The following RNF150 variants were observed in gnomAD, a reference collection of about 807,000 sequenced individuals.
RNF150 encodes ring finger protein 150.
In RNF150, 24 loss-of-function variants were observed where a neutral mutation model predicts 39.3. The ratio of observed to expected loss-of-function variants is 0.61; its 90% CI spans 0.44 to 0.86. The LOEUF (loss-of-function observed/expected upper bound fraction) is 0.86, where lower values mean the gene tolerates loss of function less well. RNF150 is among the 40% of genes least tolerant of loss of function. The pLI is 0.00. For synonymous variants in RNF150, 255 were observed against 227.3 expected (o/e 1.12, Z -1.10); for missense variants, 502 against 587.8 (o/e 0.85, Z 1.51).
rs188959611 is a variant in RNF150, at chr4:141,038,344, T to A, written c.485-70471A>T. Among the ~76,000 whole-genome samples the A allele has an allele frequency of 2.6e-5, 4 of 152,244 alleles. No homozygotes were observed. In the East Asian group the frequency reaches 7.7e-4, roughly 29 times the overall value. On this transcript the variant is annotated intron_variant, in intron 1 of 6. Coordinates refer to ENST00000515673, the MANE Select transcript of RNF150 (RefSeq NM_020724.2). Reference sequence around the variant, plus strand: ...AATCCAAGAAATCAAGAAAGAAAACTAAGTGATTAACAGAGTTGACAGCTT... The same window carrying A: ...AATCCAAGAAATCAAGAAAGAAAACAAAGTGATTAACAGAGTTGACAGCTT...
chr4:141,126,550 G>A (rs1417363316), intron 1 of RNF150, among the ~76,000 whole-genome samples: 1 of 152,162 alleles, frequency 6.6e-6, no homozygotes, highest in Non-Finnish European at 1.5e-5. Flanking sequence ...TTGGGGTTGA[G>A]GTAGGAATTA....
chr4:140,885,923 G>A (rs1729555543), intron 6 of RNF150, among the ~76,000 whole-genome samples: 1 of 152,082 alleles, frequency 6.6e-6, no homozygotes, highest in African/African-American at 2.4e-5. Flanking sequence ...TTTTATATAT[G>A]TTCTAAGAAG....
rs917608900 is a variant in RNF150, at chr4:141,078,931, A to G, written c.484+53394T>C. On this transcript the variant is annotated intron_variant, in intron 1 of 6. Transcript: ENST00000515673. ...CATATATACACATATATATACATAT[A>G]TATACACACACATATATATACACAT... 9.4e-5 allele frequency among the ~76,000 whole-genome samples: 14 copies of G among 149,272 alleles called. No individual in the cohort carries two copies. In the East Asian group the frequency reaches 2.3e-3, roughly 25 times the overall value.
In RNF150 at chr4:140,882,501, T is replaced by G. The variant is rs550613232; in HGVS notation, c.1199-14122A>C. Among the ~76,000 whole-genome samples the G allele has an allele frequency of 1.6e-4, 25 of 152,322 alleles. 1 individual carries two copies. The South Asian group carries it at 4.8e-3, about 29-fold the overall frequency. The stretch of plus-strand genomic sequence containing the variant: ...TATGCCTATTGTTCTCAGTCTGGTT[T>G]TCTATCTATTTTTGAAAATGGGGTA... On this transcript the variant is annotated intron_variant, in intron 6 of 6. Coordinates refer to ENST00000515673, the MANE Select transcript of RNF150 (RefSeq NM_020724.2).
At chr4:140,921,606 T>G in intron 5 of RNF150, among the ~76,000 whole-genome samples, 1 of 152,164 alleles carries the variant, frequency 6.6e-6, no homozygotes, top group Non-Finnish European at 1.5e-5. Context: ...GAACCCTCCC[T>G]AACTCATTTT....
intron 4 of RNF150, among the ~76,000 whole-genome samples, chr4:140,929,645 C>T (rs1006992347): frequency 6.6e-6 from 1 of 152,116 alleles, no homozygotes; most frequent in African/African-American, 2.4e-5. Context: ...GGATTACAGG[C>T]GTGAGACACC....
At chr4:141,060,172 GGCTCACGC>G (rs1450222547) in intron 1 of RNF150, among the ~76,000 whole-genome samples, 1 of 152,202 alleles carries the variant, frequency 6.6e-6, no homozygotes. Context: ...CAGACACAGT[GGCTCACGC>G]CTGTAATCCT....
rs1560678529 is a variant in RNF150 at position 140,999,969 on chromosome 4, G to GAAGAAGAAGAAGAAGAAGAAGAAGAA, written c.485-32097_485-32096insTTCTTCTTCTTCTTCTTCTTCTTCTT. ...AGAAGAAGAAGAAGAAGAAGAAGAA[G>GAAGAAGAAGAAGAAGAAGAAGAAGAA]AAGAAGAAAAGAAGAAAAGAAGAAA... is the stretch of plus-strand genomic sequence containing the variant. On this transcript the variant is annotated intron_variant, in intron 1 of 6. Transcript: ENST00000515673. Among the ~76,000 whole-genome samples the GAAGAAGAAGAAGAAGAAGAAGAAGAA allele has an allele frequency of 3.3e-3, 103 of 31,048 alleles. 19 individuals carry two copies. The highest frequency in any genetic ancestry group is 6.3e-3 in the African/African-American group (93 of 14,682). 20.4% of individuals were successfully genotyped at this position (31,048 alleles called of 152,430 possible).
intron 1 of RNF150, among the ~76,000 whole-genome samples, chr4:140,992,937 C>T (rs1734247089): frequency 6.6e-6 from 1 of 152,028 alleles, no homozygotes; most frequent in South Asian, 2.1e-4. Context: ...CACCCGAGAG[C>T]AGAGCAGCAG....
At chr4:141,177,117 A>G (rs557638400) in intron 1 of RNF150, among the ~76,000 whole-genome samples, 1 of 151,734 alleles carries the variant, frequency 6.6e-6, no homozygotes, top group Non-Finnish European at 1.5e-5. Context: ...CTGTAGTCCT[A>G]GCTGCTCAGT....
intron 1 of RNF150, among the ~76,000 whole-genome samples, chr4:140,970,598 T>C (rs890812061): frequency 8.0e-6 from 1 of 125,288 alleles, no homozygotes; most frequent in Admixed American, 8.1e-5. Context: ...CAACCAAATT[T>C]TGGATCTCCA....
At chr4:140,980,383 A>G (rs1253068556) in intron 1 of RNF150, among the ~76,000 whole-genome samples, 2 of 152,088 alleles carry the variant, frequency 1.3e-5, no homozygotes, top group African/African-American at 4.8e-5. Context: ...AAGAACCTAG[A>G]ATTACAATTA....
chr4:140,951,246 C>T (rs1368913825), intron 2 of RNF150, among the ~76,000 whole-genome samples: 1 of 152,144 alleles, frequency 6.6e-6, no homozygotes, highest in Non-Finnish European at 1.5e-5. Context: ...CTCAGATATG[C>T]TCCCTGAGGG....
intron 2 of RNF150, among the ~76,000 whole-genome samples, chr4:140,953,360 C>T (rs1732613523): frequency 6.6e-6 from 1 of 152,152 alleles, no homozygotes; most frequent in Non-Finnish European, 1.5e-5. Context: ...AAATGATACA[C>T]ATATTTTCTC....
At chr4:141,064,033 T>A (rs899853075) in intron 1 of RNF150, among the ~76,000 whole-genome samples, 2 of 151,470 alleles carry the variant, frequency 1.3e-5, no homozygotes, top group African/African-American at 2.4e-5. Flanking sequence ...ATAAACAGAT[T>A]TAATGAAAGT....
intron 1 of RNF150, among the ~76,000 whole-genome samples, chr4:141,085,627 T>G (rs991706343): frequency 6.6e-6 from 1 of 152,204 alleles, no homozygotes; most frequent in Non-Finnish European, 1.5e-5. Context: ...CTCCCCACTA[T>G]GCTCTGTCCA....
At chr4:141,106,870 G>A (rs929710716) in intron 1 of RNF150, among the ~76,000 whole-genome samples, 1 of 151,916 alleles carries the variant, frequency 6.6e-6, no homozygotes, top group Non-Finnish European at 1.5e-5. Flanking sequence ...CATCTACAAT[G>A]TTCTTTTCCA....
Position 140,860,606 on chromosome 4 carries a change from G to A in RNF150, c.*7655C>T, listed in dbSNP as rs569945088. On this transcript the variant is annotated 3_prime_UTR_variant, in exon 7 of 7. Coordinates refer to ENST00000515673, the MANE Select transcript of RNF150 (RefSeq NM_020724.2). ...CATTTTACAACAAAAGCATTTTGTT[G>A]CAAGCATTTGTTTACAATAAAAGTA... 1.3e-5 allele frequency: 2 copies of A among 152,216 alleles called. 1 individual carries two copies. Among genetic ancestry groups the A allele is most frequent in the South Asian group, 4.1e-4 (2 of 4,830 alleles). 9.4% of individuals were successfully genotyped at this position (152,216 alleles called of 1,614,324 possible). A position where few individuals can be genotyped will look rare whatever the true frequency, so the allele number is the denominator to read the frequency against.
At chr4:141,010,624 G>A (rs924027443) in intron 1 of RNF150, among the ~76,000 whole-genome samples, 7 of 152,144 alleles carry the variant, frequency 4.6e-5, no homozygotes, top group Admixed American at 2.0e-4. Context: ...GTAATGGCAT[G>A]GGGCTTCTCT....
Sources: gnomAD v4.1 joint callset for allele counts (sites outside exome capture counted in the v4.1 genomes callset) on GRCh38, gnomAD v4.1.1 for gene constraint, MANE v1.5 for transcripts, NCBI Gene and HGNC (gene_info 2026-07-23, HGNC 2026-07-21) for gene names.